The following DCC variants were observed in gnomAD, a reference collection of about 807,000 sequenced individuals.
DCC encodes DCC netrin 1 receptor.
Under a neutral mutation model 172.5 loss-of-function variants are expected in DCC, and 58 were observed. That is an observed-to-expected ratio of 0.34 (90% CI 0.27 to 0.42). DCC has a LOEUF of 0.42. DCC is among the 10% of genes least tolerant of loss of function. DCC has a pLI of 1.00. For synonymous variants in DCC, 709 were observed against 644.5 expected (o/e 1.10, Z -1.52); for missense variants, 1,740 against 1,791.0 (o/e 0.97, Z 0.51).
rs1323534691 is a variant in DCC at position 52,653,595 on chromosome 18, CT to C, written c.92-98456del. 3.3e-5 allele frequency among the ~76,000 whole-genome samples: 5 copies of C among 152,290 alleles called. No homozygotes were observed. The South Asian group carries it at 8.3e-4, about 25-fold the overall frequency. Reference sequence around the variant, plus strand: ...AGTGTTGAGCTTCTGAGAGTTCAAACTTTGCCAGAGGAGAGGACATAAAATC... The same window carrying C: ...AGTGTTGAGCTTCTGAGAGTTCAAACTTGCCAGAGGAGAGGACATAAAATC... On this transcript the variant is annotated intron_variant, in intron 1 of 28. Coordinates refer to ENST00000442544, the MANE Select transcript of DCC (RefSeq NM_005215.4).
chr18:52,491,689 T>C (rs774077411), intron 1 of DCC, among the ~76,000 whole-genome samples: 1 of 152,002 alleles, frequency 6.6e-6, no homozygotes, highest in Non-Finnish European at 1.5e-5. Context: ...GAGATGTATT[T>C]TGTAGATACA....
intron 5 of DCC, among the ~76,000 whole-genome samples, chr18:52,990,746 A>C (rs1475375441): frequency 6.6e-6 from 1 of 152,150 alleles, no homozygotes. Context: ...TATTTGTGTT[A>C]AATTGTGTAA....
At chr18:53,168,300 A>G (rs956339422) in intron 8 of DCC, among the ~76,000 whole-genome samples, 2 of 152,118 alleles carry the variant, frequency 1.3e-5, no homozygotes, top group African/African-American at 2.4e-5. Flanking sequence ...AATAGCAAAG[A>G]CTTGGAACCA....
At chr18:52,489,439 A>G (rs1038824706) in intron 1 of DCC, among the ~76,000 whole-genome samples, 106 of 152,270 alleles carry the variant, frequency 7.0e-4, no homozygotes, top group African/African-American at 2.5e-3. Context: ...TGCTAAAGGC[A>G]AAATAAAACC....
intron 1 of DCC, among the ~76,000 whole-genome samples, chr18:52,366,365 G>A (rs142667150): frequency 4.6e-5 from 7 of 152,100 alleles, no homozygotes; most frequent in African/African-American, 1.7e-4. Flanking sequence ...AAGGGGACCC[G>A]AGCGGGTTGC....
chr18:53,281,987 C>T (rs1415112718), intron 12 of DCC, among the ~76,000 whole-genome samples: 1 of 152,068 alleles, frequency 6.6e-6, no homozygotes. Context: ...GACAAGCACC[C>T]TTAGTTTAGA....
chr18:53,275,988 A>G (rs2056801908), intron 12 of DCC, among the ~76,000 whole-genome samples: 1 of 152,160 alleles, frequency 6.6e-6, no homozygotes, highest in South Asian at 2.1e-4. Context: ...TCATAAATAT[A>G]AAATGAACAT....
In DCC at chr18:53,179,850, A is replaced by G. The variant is rs1206186585; in HGVS notation, c.1573+734A>G. Among the ~76,000 whole-genome samples, 10 of 152,174 alleles carry G rather than the reference A, an allele frequency of 6.6e-5. No homozygotes were observed. The East Asian group carries it at 1.7e-3, about 26-fold the overall frequency. ...TTAGTTGCTGATGAGTCATTCGCCAAATTTGTTTTGTTTCGCATTAAAAAA... is the reference window on the plus strand; with the variant it reads ...TTAGTTGCTGATGAGTCATTCGCCAGATTTGTTTTGTTTCGCATTAAAAAA... On this transcript the variant is annotated intron_variant, in intron 9 of 28. Coordinates refer to ENST00000442544, the MANE Select transcript of DCC (RefSeq NM_005215.4).
chr18:52,348,044 C>T (rs1363245197), intron 1 of DCC, among the ~76,000 whole-genome samples: 1 of 152,106 alleles, frequency 6.6e-6, no homozygotes, highest in Non-Finnish European at 1.5e-5. Context: ...TAACATGTTA[C>T]TTTACTTGGC....
chr18:52,416,871 C>G (rs1256494006), intron 1 of DCC, among the ~76,000 whole-genome samples: 2 of 151,858 alleles, frequency 1.3e-5, no homozygotes, highest in Non-Finnish European at 2.9e-5. Flanking sequence ...AGTCCATTTA[C>G]ATTTAAAGTG....
Position 53,085,945 on chromosome 18 carries a change from G to T in DCC, c.1261+19779G>T. Among the ~76,000 whole-genome samples, 2 of 143,638 alleles carry T rather than the reference G, an allele frequency of 1.4e-5. 1 individual carries two copies. Among genetic ancestry groups the T allele is most frequent in the Non-Finnish European group, 3.1e-5 (2 of 65,386 alleles). 94.2% of individuals were successfully genotyped at this position (143,638 alleles called of 152,430 possible). On this transcript the variant is annotated intron_variant, in intron 7 of 28. Coordinates refer to ENST00000442544, the MANE Select transcript of DCC (RefSeq NM_005215.4). The stretch of plus-strand genomic sequence containing the variant: ...CCAGACCTCTGTCATTTCAGCTTTG[G>T]TGGAGTATTTTCTCTTCTTCTTCTT...
chr18:53,126,250 A>C (rs2144303821), intron 7 of DCC, among the ~76,000 whole-genome samples: 1 of 152,236 alleles, frequency 6.6e-6, no homozygotes, highest in South Asian at 2.1e-4. Context: ...TCTTGTTGTA[A>C]GCATTTCTTT....
chr18:53,020,957 A>G (rs1202776651), intron 5 of DCC, among the ~76,000 whole-genome samples: 1 of 151,170 alleles, frequency 6.6e-6, no homozygotes, highest in African/African-American at 2.4e-5. Flanking sequence ...CTGGAGTGAG[A>G]AGCTAATGGC....
intron 5 of DCC, among the ~76,000 whole-genome samples, chr18:53,006,668 A>G (rs995547164): frequency 5.3e-5 from 8 of 152,238 alleles, no homozygotes; most frequent in Non-Finnish European, 7.3e-5. Flanking sequence ...TTTGACTTAT[A>G]TAATGAGGTT....
intron 25 of DCC, among the ~76,000 whole-genome samples, chr18:53,476,904 A>G (rs2045769936): frequency 6.6e-6 from 1 of 152,264 alleles, no homozygotes; most frequent in Non-Finnish European, 1.5e-5. Context: ...GTATATTTTT[A>G]AATAACTTGG....
intron 2 of DCC, among the ~76,000 whole-genome samples, chr18:52,823,646 G>T (rs574679016): frequency 1.1e-4 from 16 of 152,250 alleles, no homozygotes; most frequent in African/African-American, 3.8e-4. Flanking sequence ...AAATAAAAAT[G>T]AGCTTTTATA....
At chr18:53,273,839 C>T (rs1048596396) in intron 12 of DCC, among the ~76,000 whole-genome samples, 2 of 151,882 alleles carry the variant, frequency 1.3e-5, no homozygotes, top group African/African-American at 2.4e-5. Context: ...ATTGAGCCCG[C>T]GCATCACACA....
intron 5 of DCC, chr18:52,931,877 T>G (rs917818797): frequency 6.6e-6 from 1 of 152,114 alleles, no homozygotes. Context: ...GAAACCTGGC[T>G]TCAGTGGGCT....
intron 22 of DCC, among the ~76,000 whole-genome samples, chr18:53,445,949 A>T (rs1287149629): frequency 6.6e-6 from 1 of 151,684 alleles, no homozygotes; most frequent in African/African-American, 2.4e-5. Context: ...TTTCCTTTAA[A>T]CTGGGAACAT....
Sources: gnomAD v4.1 joint callset for allele counts (sites outside exome capture counted in the v4.1 genomes callset) on GRCh38, gnomAD v4.1.1 for gene constraint, MANE v1.5 for transcripts, NCBI Gene and HGNC (gene_info 2026-07-23, HGNC 2026-07-21) for gene names.